Variants in ANO1 observed in about 807,000 individuals in gnomAD.
The protein encoded by ANO1 is anoctamin-1.
Under a neutral mutation model 124.0 loss-of-function variants are expected in ANO1, and 59 were observed. The ratio of observed to expected loss-of-function variants is 0.48; its 90% CI spans 0.39 to 0.59. The LOEUF (loss-of-function observed/expected upper bound fraction) is 0.59. Among genes scored for constraint, ANO1 ranks in the 20% least tolerant of loss-of-function variants. ANO1 has a pLI of 0.00. For missense variants in ANO1, 1,059 were observed against 1,328.0 expected (o/e 0.80, Z 3.15); for synonymous variants, 529 against 532.0 (o/e 0.99, Z 0.08).
intron 1 of ANO1, among the ~76,000 whole-genome samples, chr11:70,030,829 C>G (rs1010629517): frequency 2.6e-5 from 4 of 152,222 alleles, no homozygotes; most frequent in Admixed American, 6.5e-5. Context: ...ATGGCCACCC[C>G]TCCACCAGCT....
At chr11:70,155,661 A>C (rs917214135) in intron 14 of ANO1, among the ~76,000 whole-genome samples, 4 of 152,158 alleles carry the variant, frequency 2.6e-5, no homozygotes, top group Non-Finnish European at 4.4e-5. Flanking sequence ...GGTCCAGTGG[A>C]GGGTGCGTGC....
At chr11:70,065,589 G>T (rs1555008432) in intron 1 of ANO1, among the ~76,000 whole-genome samples, 1 of 151,508 alleles carries the variant, frequency 6.6e-6, no homozygotes, top group East Asian at 1.9e-4. Context: ...CGTCCCTCTA[G>T]TTGGCCTGGC....
intron 1 of ANO1, among the ~76,000 whole-genome samples, chr11:70,041,453 C>T (rs1383667086): frequency 6.6e-6 from 1 of 152,144 alleles, no homozygotes; most frequent in Non-Finnish European, 1.5e-5. Flanking sequence ...ACTATTTAGG[C>T]TGGGGGAAAA....
intron 11 of ANO1, among the ~76,000 whole-genome samples, chr11:70,139,654 T>C (rs1219858174): frequency 2.6e-5 from 4 of 152,200 alleles, no homozygotes; most frequent in East Asian, 3.8e-4. Flanking sequence ...CAGTTAACCA[T>C]TGATGGGCAT....
At chr11:70,155,417 A>C (rs568105455) in intron 14 of ANO1, among the ~76,000 whole-genome samples, 1 of 152,162 alleles carries the variant, frequency 6.6e-6, no homozygotes, top group Admixed American at 6.5e-5. Context: ...CGTACCCTTT[A>C]TTTCCTCCTC....
chr11:70,025,494 A>G (rs1555003072), intron 1 of ANO1, among the ~76,000 whole-genome samples: 2 of 151,746 alleles, frequency 1.3e-5, no homozygotes, highest in African/African-American at 4.8e-5. Context: ...GGTGATGACA[A>G]TGATGGCGAT....
the ANO1 span, among the ~76,000 whole-genome samples, chr11:69,979,512 G>A: frequency 2.1e-4 from 32 of 152,180 alleles, no homozygotes; most frequent in African/African-American, 7.7e-4. Flanking sequence ...TCATACGAAT[G>A]AGACAACAGA....
chr11:70,033,593 G>A (rs868973467), intron 1 of ANO1, among the ~76,000 whole-genome samples: 3 of 152,088 alleles, frequency 2.0e-5, no homozygotes, highest in Admixed American at 2.0e-4. Context: ...GCACATGCCT[G>A]GTGCATAGTA....
intron 11 of ANO1, 51 bp from the exon 12 acceptor site, chr11:70,149,659 A>AAG (rs2047520319): frequency 6.4e-7 from 1 of 1,560,964 alleles, no homozygotes; most frequent in East Asian, 2.4e-5. Flanking sequence ...TAAAAAAAAA[A>AAG]AAAAAATGCC....
chr11:70,064,433 T>C (rs1433099783), intron 1 of ANO1: 1 of 152,252 alleles, frequency 6.6e-6, no homozygotes, highest in African/African-American at 2.4e-5. Flanking sequence ...TTGTTCTTAG[T>C]CCTGTTTTTG....
Position 70,103,981 on chromosome 11 carries a change from C to G in ANO1, c.541-18C>G. The G allele has an allele frequency of 6.2e-7, 1 of 1,609,220 alleles. No homozygotes were observed. The highest frequency in any genetic ancestry group is 8.5e-7 in the Non-Finnish European group (1 of 1,177,872). On this transcript the variant is annotated intron_variant, in intron 3 of 25. Transcript: ENST00000355303. The stretch of plus-strand genomic sequence containing the variant: ...CAGCAGGGTGACGCAGCTCCCCGGT[C>G]CCTTGTCTTATCTGCAGATGTACCA...
intron 1 of ANO1, among the ~76,000 whole-genome samples, chr11:70,013,580 A>G (rs1591034127): frequency 6.6e-6 from 1 of 151,988 alleles, no homozygotes; most frequent in African/African-American, 2.4e-5. Flanking sequence ...GGAGTTTGAG[A>G]CCAGCCTGGC....
At chr11:69,982,923 G>C (rs118011498), upstream of ANO1, among the ~76,000 whole-genome samples, 445 of 152,318 alleles carry the variant, frequency 2.9e-3, 18 homozygotes, top group East Asian at 0.073. Flanking sequence ...TATGTGTTCT[G>C]ATGATGAGTG....
chr11:70,000,542 A>T (rs919123769), intron 1 of ANO1, among the ~76,000 whole-genome samples: 2 of 152,170 alleles, frequency 1.3e-5, no homozygotes, highest in Non-Finnish European at 2.9e-5. Context: ...ACATGGAGCA[A>T]CTGGAACCCT....
chr11:70,152,263 A>G (rs1018463884), intron 12 of ANO1, among the ~76,000 whole-genome samples, 187 bp from the exon 13 acceptor site: 3 of 144,990 alleles, frequency 2.1e-5, no homozygotes, highest in Non-Finnish European at 4.5e-5. Context: ...TGAACCCGGG[A>G]GGCAGAGCTT....
chr11:70,111,571 G>C (rs1002366060), intron 6 of ANO1, 136 bp from the exon 7 acceptor site: 1 of 775,108 alleles, frequency 1.3e-6, no homozygotes, highest in Non-Finnish European at 2.2e-6. Context: ...AGAGGTGGCC[G>C]GGCTCTGCGT....
chr11:70,174,408 A>G (rs957652757), intron 22 of ANO1, among the ~76,000 whole-genome samples: 2 of 152,034 alleles, frequency 1.3e-5, no homozygotes, highest in Admixed American at 1.3e-4. Context: ...AAATAAATTT[A>G]AAAAGCCATT....
the ANO1 span, among the ~76,000 whole-genome samples, chr11:69,970,900 TGCGTTCCA>T: frequency 6.6e-6 from 1 of 152,100 alleles, no homozygotes; most frequent in Non-Finnish European, 1.5e-5. Flanking sequence ...TCATCACATA[TGCGTTCCA>T]GCCAGCAGGA....
At chr11:70,168,300 CTGCAT>C (rs928944786) in intron 21 of ANO1, among the ~76,000 whole-genome samples, 6 of 152,188 alleles carry the variant, frequency 3.9e-5, no homozygotes, top group Non-Finnish European at 8.8e-5. Context: ...TCCCAAATAC[CTGCAT>C]GGCTCACTCT....
Sources: allele counts gnomAD v4.1 joint callset (sites outside exome capture counted in the v4.1 genomes callset), GRCh38; gene constraint gnomAD v4.1.1; transcripts MANE v1.5; gene names NCBI Gene and HGNC (gene_info 2026-07-23, HGNC 2026-07-21).